The following ABTB3 variants were observed in gnomAD, a reference collection of about 807,000 sequenced individuals.
ABTB3 encodes the protein ankyrin repeat- and BTB/POZ domain-containing protein 3.
the ABTB3 span, among the ~76,000 whole-genome samples, chr12:107,481,154 C>T: frequency 1.1e-3 from 171 of 152,256 alleles, no homozygotes; most frequent in African/African-American, 4.1e-3. Context: ...TCAATAGTAC[C>T]AAGGTGGAGA....
At chr12:107,619,301 G>T in the ABTB3 span, among the ~76,000 whole-genome samples, 170 of 152,334 alleles carry the variant, frequency 1.1e-3, no homozygotes, top group Non-Finnish European at 1.8e-3. Flanking sequence ...TGCATGAGAG[G>T]CGAGAGGCAA....
the ABTB3 span, among the ~76,000 whole-genome samples, chr12:107,518,102 G>C: frequency 6.6e-6 from 1 of 152,262 alleles, no homozygotes; most frequent in East Asian, 1.9e-4. Flanking sequence ...ATTAAAAAGT[G>C]AGGAAACAAC....
the ABTB3 span, among the ~76,000 whole-genome samples, chr12:107,569,005 A>G: frequency 6.6e-6 from 1 of 152,236 alleles, no homozygotes; most frequent in Non-Finnish European, 1.5e-5. Context: ...TGAAGCACAC[A>G]TTTAACCCAT....
At chr12:107,497,361 TATC>T in the ABTB3 span, among the ~76,000 whole-genome samples, 1 of 148,228 alleles carries the variant, frequency 6.7e-6, no homozygotes, top group African/African-American at 2.5e-5. Flanking sequence ...ACACCACTGT[TATC>T]ATCACCATCG....
At chr12:107,388,709 G>A in the ABTB3 span, among the ~76,000 whole-genome samples, 1 of 152,222 alleles carries the variant, frequency 6.6e-6, no homozygotes, top group African/African-American at 2.4e-5. Flanking sequence ...GCACCAGCAG[G>A]TCTCCGTTGG....
chr12:107,399,695 A>T, the ABTB3 span, among the ~76,000 whole-genome samples: 4 of 152,152 alleles, frequency 2.6e-5, no homozygotes, highest in Non-Finnish European at 5.9e-5. Context: ...TTTTACTTTA[A>T]GTTCTGGCTA....
chr12:107,500,050 A>G, the ABTB3 span, among the ~76,000 whole-genome samples: 56,401 of 151,934 alleles, frequency 0.37, 12,679 homozygotes, highest in African/African-American at 0.63. Context: ...ACAGCATGGG[A>G]GAAACAGCCA....
At chr12:107,446,102 AG>A in the ABTB3 span, among the ~76,000 whole-genome samples, 2 of 151,974 alleles carry the variant, frequency 1.3e-5, no homozygotes, top group Non-Finnish European at 2.9e-5. Context: ...TAGCATCTTT[AG>A]GGGGCCCTTA....
chr12:107,517,950 C>T, the ABTB3 span, among the ~76,000 whole-genome samples: 780 of 152,234 alleles, frequency 5.1e-3, 36 homozygotes, highest in Admixed American at 0.046. Context: ...AACAAGTGGG[C>T]AAAGGATATG....
At chr12:107,621,013 C>T in the ABTB3 span, among the ~76,000 whole-genome samples, 2 of 152,196 alleles carry the variant, frequency 1.3e-5, no homozygotes, top group African/African-American at 2.4e-5. Context: ...CAGTGTGGGT[C>T]CCCCTGCCGG....
At chr12:107,642,178 C>A in the ABTB3 span, 1 of 1,613,346 alleles carries the variant, frequency 6.2e-7, no homozygotes, top group Non-Finnish European at 8.5e-7. Context: ...TCAGGTGAGC[C>A]CCTGGTGTGG....
At chr12:107,348,047 G>C in the ABTB3 span, among the ~76,000 whole-genome samples, 3 of 152,052 alleles carry the variant, frequency 2.0e-5, no homozygotes, top group Non-Finnish European at 4.4e-5. Flanking sequence ...TTTGAAAGAT[G>C]AATAGTTTGT....
At chr12:107,409,342 T>C in the ABTB3 span, among the ~76,000 whole-genome samples, 1 of 152,250 alleles carries the variant, frequency 6.6e-6, no homozygotes, top group Non-Finnish European at 1.5e-5. Context: ...TTGGCAGGAA[T>C]GTAAATTAGT....
the ABTB3 span, among the ~76,000 whole-genome samples, chr12:107,384,356 C>A: frequency 6.6e-6 from 1 of 152,152 alleles, no homozygotes; most frequent in East Asian, 1.9e-4. Flanking sequence ...CCATTTCTAA[C>A]GAGGAGCAAG....
the ABTB3 span, chr12:107,642,251 T>C: frequency 1.1e-5 from 15 of 1,315,954 alleles, no homozygotes; most frequent in African/African-American, 1.5e-5. Flanking sequence ...AGCCTGAGGA[T>C]TGGCCACTTG....
At chr12:107,487,757 C>A in the ABTB3 span, among the ~76,000 whole-genome samples, 1 of 152,080 alleles carries the variant, frequency 6.6e-6, no homozygotes, top group Admixed American at 6.5e-5. Flanking sequence ...AGAATCATTG[C>A]CAGAAAGACC....
the ABTB3 span, among the ~76,000 whole-genome samples, chr12:107,469,618 CCA>C: frequency 1.3e-5 from 2 of 152,154 alleles, no homozygotes; most frequent in Admixed American, 6.5e-5. Context: ...AAGCACAAAG[CCA>C]CAGAGTTGAG....
the ABTB3 span, among the ~76,000 whole-genome samples, chr12:107,454,378 C>T: frequency 6.6e-6 from 1 of 152,210 alleles, no homozygotes; most frequent in South Asian, 2.1e-4. Flanking sequence ...CTGCACTGCA[C>T]AGCTTGCATG....
the ABTB3 span, among the ~76,000 whole-genome samples, chr12:107,337,338 C>T: frequency 7.9e-5 from 12 of 152,230 alleles, no homozygotes; most frequent in African/African-American, 2.9e-4. Flanking sequence ...TCCTTCTCAG[C>T]TGGATCGGGA....
Sources: allele counts gnomAD v4.1 joint callset (sites outside exome capture counted in the v4.1 genomes callset), GRCh38; gene constraint gnomAD v4.1.1; transcripts MANE v1.5; gene names NCBI Gene and HGNC (gene_info 2026-07-23, HGNC 2026-07-21).